The following WAPL variants were observed in gnomAD, a reference collection of about 807,000 sequenced individuals.
The protein encoded by WAPL is wings apart-like protein homolog.
Under a neutral mutation model 121.0 loss-of-function variants are expected in WAPL, and 5 were observed. The ratio of observed to expected loss-of-function variants is 0.04; its 90% CI spans 0.02 to 0.09. WAPL has a LOEUF of 0.09. Among genes scored for constraint, WAPL ranks in the 10% least tolerant of loss-of-function variants. WAPL has a pLI of 1.00. For missense variants in WAPL, 999 were observed against 1,410.8 expected (o/e 0.71, Z 4.68); for synonymous variants, 480 against 481.5 (o/e 1.00, Z 0.04).
intron 4 of WAPL, among the ~76,000 whole-genome samples, chr10:86,492,562 T>C (rs942656714): frequency 6.6e-6 from 1 of 152,120 alleles, no homozygotes; most frequent in African/African-American, 2.4e-5. Context: ...ATGTAAAGCA[T>C]CATACACAAT....
intron 3 of WAPL, 139 bp from the exon 4 acceptor site, chr10:86,497,458 A>G: frequency 1.5e-6 from 1 of 661,324 alleles, no homozygotes; most frequent in East Asian, 2.9e-5. Flanking sequence ...AGAGCTGACA[A>G]AATACTCCCT....
rs768090748 is a variant in WAPL, at chr10:86,500,182, C to T, written c.1061G>A (p.Arg354Gln). The change falls in exon 3 of 19, where the codon CGG (arginine) becomes CAG (glutamine). Residue 354 changes from arginine to glutamine, a missense_variant. Around this residue, in one of 7 missense-constraint regions of WAPL, gnomAD observed 531 missense variants for 563.1 expected, o/e 0.94. Transcript: ENST00000298767. ...CGTSFRGTVGRTRDYTVLHPS... is the reference protein window; with the variant it reads ...CGTSFRGTVGQTRDYTVLHPS... Reference sequence around the variant, plus strand: ...ATGTAAAACAGTGTAATCTCTAGTCCGTCCAACTGTCCCTCTAAAACTGGT... The same window carrying T: ...ATGTAAAACAGTGTAATCTCTAGTCTGTCCAACTGTCCCTCTAAAACTGGT... 2 of 1,614,158 alleles carry T rather than the reference C, an allele frequency of 1.2e-6. No individual in the cohort carries two copies. Among genetic ancestry groups the T allele is most frequent in the Admixed American group, 1.7e-5 (1 of 60,016 alleles).
chr10:86,510,068 C>CT (rs11323475), intron 2 of WAPL, among the ~76,000 whole-genome samples: 4,818 of 57,270 alleles, frequency 0.084, 403 homozygotes, highest in East Asian at 0.3. Flanking sequence ...TCCACCCGGC[C>CT]TTTTTTTTTT....
intron 15 of WAPL, among the ~76,000 whole-genome samples, chr10:86,450,804 TTCTGAG>T (rs1173182392): frequency 4.6e-5 from 7 of 152,216 alleles, no homozygotes; most frequent in Admixed American, 2.6e-4. Context: ...AAACGGAGTA[TTCTGAG>T]TCTAAGAAGA....
At chr10:86,493,660 G>A (rs545096127) in intron 4 of WAPL, among the ~76,000 whole-genome samples, 78 of 151,588 alleles carry the variant, frequency 5.1e-4, no homozygotes, top group African/African-American at 1.5e-3. Flanking sequence ...CTCCCAAGTA[G>A]CTTGGACTAC....
In WAPL at chr10:86,478,100, A is replaced by C. The variant is rs567672638; in HGVS notation, c.1645-4127T>G. The stretch of plus-strand genomic sequence containing the variant: ...AGAAAGAAAAGCAGATACAGCATAT[A>C]AACCAGATACCTAAACTTTTTTCTG... On this transcript the variant is annotated intron_variant, in intron 4 of 18. Coordinates refer to ENST00000298767, the MANE Select transcript of WAPL (RefSeq NM_015045.5). Among the ~76,000 whole-genome samples, 34 of 141,754 alleles carry C rather than the reference A, an allele frequency of 2.4e-4. No individual in the cohort carries two copies. In the East Asian group the frequency reaches 4.6e-3, roughly 19 times the overall value. 93.0% of individuals were successfully genotyped at this position (141,754 alleles called of 152,430 possible).
intron 8 of WAPL, among the ~76,000 whole-genome samples, chr10:86,469,426 G>T (rs1382375356): frequency 1.3e-5 from 2 of 151,336 alleles, no homozygotes; most frequent in Non-Finnish European, 2.9e-5. Flanking sequence ...GTAATTTTTT[G>T]CATTTTTAGT....
In WAPL at chr10:86,478,057, G is replaced by GA. The variant is rs768579639; in HGVS notation, c.1645-4085dup. Among the ~76,000 whole-genome samples the GA allele has an allele frequency of 6.9e-3, 856 of 123,484 alleles. 6 individuals carry two copies. The highest frequency in any genetic ancestry group is 0.011 in the African/African-American group (370 of 33,306). The allele number at this position is 123,484 out of a possible 152,430, so 81.0% of individuals were successfully genotyped here. A position where few individuals can be genotyped will look rare whatever the true frequency, so the allele number is the denominator to read the frequency against. Reference sequence around the variant, plus strand: ...GCAACAAAAGCGAAACTCTGTCTCGGAAAAAAAAAAAAAAGAAAGAAAGAA... The same window carrying GA: ...GCAACAAAAGCGAAACTCTGTCTCGGAAAAAAAAAAAAAAAGAAAGAAAGAA... On this transcript the variant is annotated intron_variant, in intron 4 of 18. Transcript: ENST00000298767.
At chr10:86,482,540 C>T (rs560902287) in intron 4 of WAPL, among the ~76,000 whole-genome samples, 1 of 152,152 alleles carries the variant, frequency 6.6e-6, no homozygotes, top group Non-Finnish European at 1.5e-5. Context: ...CATTACTCCT[C>T]GGAGAATGGA....
intron 16 of WAPL, among the ~76,000 whole-genome samples, chr10:86,444,671 G>C (rs945127716): frequency 6.6e-6 from 1 of 152,056 alleles, no homozygotes; most frequent in Non-Finnish European, 1.5e-5. Flanking sequence ...CCAGGGAGGA[G>C]GGGAAAATAG....
rs200157029 is a variant in WAPL at position 86,483,149 on chromosome 10, G to A, written c.1645-9176C>T. 7.9e-5 allele frequency among the ~76,000 whole-genome samples: 12 copies of A among 152,288 alleles called. No individual in the cohort carries two copies. In the East Asian group the frequency reaches 1.9e-3, roughly 24 times the overall value. ...GGTACAGTACATACATGCCAGGTGC[G>A]GTGGCTCACGCCTGTAATCCTAGCA... On this transcript the variant is annotated intron_variant, in intron 4 of 18. Coordinates refer to ENST00000298767, the MANE Select transcript of WAPL (RefSeq NM_015045.5).
At chr10:86,446,553 A>C in intron 15 of WAPL, 104 bp from the exon 16 acceptor site, 2 of 1,238,054 alleles carry the variant, frequency 1.6e-6, no homozygotes, top group Non-Finnish European at 2.2e-6. Flanking sequence ...CACTAACTCT[A>C]AGATGGTTAT....
intron 17 of WAPL, among the ~76,000 whole-genome samples, chr10:86,440,504 T>G (rs910567362): frequency 6.6e-6 from 1 of 151,974 alleles, no homozygotes; most frequent in Non-Finnish European, 1.5e-5. Flanking sequence ...TTTCACCGTG[T>G]TAGCCAGGAT....
chr10:86,460,313 A>G, intron 11 of WAPL, 86 bp downstream of exon 11: 1 of 1,018,884 alleles, frequency 9.8e-7, no homozygotes, highest in Non-Finnish European at 1.5e-6. Flanking sequence ...CTCCAGGGGT[A>G]TATAAAATAT....
chr10:86,451,682 T>C (rs779143987), intron 15 of WAPL, among the ~76,000 whole-genome samples: 1 of 152,198 alleles, frequency 6.6e-6, no homozygotes, highest in African/African-American at 2.4e-5. Flanking sequence ...CGTGAGTCAC[T>C]GCGCCCAGCC....
intron 3 of WAPL, among the ~76,000 whole-genome samples, chr10:86,497,760 G>A (rs1042672491): frequency 6.6e-6 from 1 of 152,124 alleles, no homozygotes; most frequent in Admixed American, 6.6e-5. Context: ...TTCAAAGAAT[G>A]CCTGCTGGCA....
intron 2 of WAPL, among the ~76,000 whole-genome samples, chr10:86,510,068 CTTTTTTTTTTTTTT>C (rs11323475): frequency 1.7e-5 from 1 of 57,200 alleles, no homozygotes; most frequent in African/African-American, 8.4e-5. Context: ...TCCACCCGGC[CTTTTTTTTTTTTTT>C]TTTTTTTTTT....
Position 86,500,504 on chromosome 10 carries a change from T to C in WAPL, c.739A>G (p.Arg247Gly), listed in dbSNP as rs375680148. ...FEWDNDFEDI[R>G]SEDCILSLDS... Reference sequence around the variant, plus strand: ...AAACTTAAAATACAGTCTTCTGATCTGATATCTTCAAAATCATTATCCCAT... The same window carrying C: ...AAACTTAAAATACAGTCTTCTGATCCGATATCTTCAAAATCATTATCCCAT... The change falls in exon 3 of 19, where the codon AGA becomes GGA. Residue 247 changes from arginine (R) to glycine (G), a missense_variant. Coordinates refer to ENST00000298767, the MANE Select transcript of WAPL (RefSeq NM_015045.5). 1.2e-6 allele frequency: 2 copies of C among 1,614,178 alleles called. No homozygotes were observed. The highest frequency in any genetic ancestry group is 1.7e-6 in the Non-Finnish European group (2 of 1,180,038).
At chr10:86,471,825 G>A (rs189012489) in intron 7 of WAPL, among the ~76,000 whole-genome samples, 187 of 152,086 alleles carry the variant, frequency 1.2e-3, no homozygotes, top group Admixed American at 2.6e-3. Flanking sequence ...TGTAGACATG[G>A]GGTCTCACTA....
Sources: allele counts gnomAD v4.1 joint callset (sites outside exome capture counted in the v4.1 genomes callset), GRCh38; gene constraint gnomAD v4.1.1; regional missense constraint gnomAD v4.1.1; transcripts MANE v1.5; gene names NCBI Gene and HGNC (gene_info 2026-07-23, HGNC 2026-07-21).